The following PBLD variants were observed in gnomAD, a reference collection of about 807,000 sequenced individuals.
PBLD encodes phenazine biosynthesis like protein domain containing.
PBLD carries 26 observed loss-of-function variants against 31.3 expected under a neutral mutation model. The ratio of observed to expected loss-of-function variants is 0.83; its 90% CI spans 0.61 to 1.15. The LOEUF is 1.15. PBLD is among the 50% of genes most tolerant of loss of function. The pLI, the probability that PBLD is intolerant of heterozygous loss-of-function variation, is 0.00. For missense variants in PBLD, 307 were observed against 351.7 expected, an observed-to-expected ratio of 0.87 and a Z score of 1.02; for synonymous variants, 114 against 129.0, an observed-to-expected ratio of 0.88 and a Z score of 0.79.
chr10:68,285,985 C>T (rs72795476), intron 8 of PBLD, among the ~76,000 whole-genome samples: 293 of 151,904 alleles, frequency 1.9e-3, no homozygotes, highest in Non-Finnish European at 3.6e-3. Flanking sequence ...CTGGTCCTTA[C>T]AGTCTCCTAA....
chr10:68,298,734 G>T (rs538654053), intron 2 of PBLD, among the ~76,000 whole-genome samples: 1 of 144,138 alleles, frequency 6.9e-6, no homozygotes, highest in East Asian at 2.0e-4. Flanking sequence ...GGTTTATTGT[G>T]AAGATATATA....
intron 2 of PBLD, among the ~76,000 whole-genome samples, chr10:68,305,207 G>A (rs1252199457): frequency 6.8e-6 from 1 of 147,716 alleles, no homozygotes; most frequent in Non-Finnish European, 1.5e-5. Flanking sequence ...TTTATATAAA[G>A]TTTTAAAAAA....
At chr10:68,290,477 G>A (rs2044345139) in intron 6 of PBLD, among the ~76,000 whole-genome samples, 1 of 152,108 alleles carries the variant, frequency 6.6e-6, no homozygotes, top group Admixed American at 6.6e-5. Context: ...CAGCTCTTTG[G>A]GAGGCCGAGG....
intron 8 of PBLD, among the ~76,000 whole-genome samples, chr10:68,286,683 C>T (rs1345583989): frequency 2.0e-5 from 3 of 152,016 alleles, no homozygotes; most frequent in Admixed American, 1.3e-4. Flanking sequence ...GAGCTTTTGG[C>T]ACCAAAAGAA....
rs1249616472 is a variant in PBLD at position 68,332,896 on chromosome 10, A to G, written c.-172T>C. 6.6e-6 allele frequency: 1 copy of G among 152,226 alleles called. No individual in the cohort carries two copies. The highest frequency in any genetic ancestry group is 1.5e-5 in the Non-Finnish European group (1 of 68,088). 9.4% of individuals were successfully genotyped at this position (152,226 alleles called of 1,614,324 possible). A position where few individuals can be genotyped will look rare whatever the true frequency, so the allele number is the denominator to read the frequency against. The stretch of plus-strand genomic sequence containing the variant: ...AAGGTGCTCAACTCCCAAATCCAGG[A>G]CAAAGGAGGCAGACGGCCTCCTTTG... On this transcript the variant is annotated 5_prime_UTR_variant, in exon 1 of 10. Transcript: ENST00000358769.
At chr10:68,309,406 CAAAAAAAAAAA>C (rs58152894) in intron 1 of PBLD, among the ~76,000 whole-genome samples, 4 of 114,710 alleles carry the variant, frequency 3.5e-5, no homozygotes, top group South Asian at 6.3e-4. Flanking sequence ...GATTATGTTT[CAAAAAAAAAAA>C]AAAAAAAAAG....
At chr10:68,304,763 A>C (rs755520621) in intron 2 of PBLD, among the ~76,000 whole-genome samples, 11 of 152,328 alleles carry the variant, frequency 7.2e-5, no homozygotes, top group Non-Finnish European at 1.3e-4. Flanking sequence ...GACATGGGGC[A>C]AATGTATTAA....
chr10:68,311,534 G>A (rs554469352), intron 1 of PBLD, among the ~76,000 whole-genome samples: 15 of 151,816 alleles, frequency 9.9e-5, no homozygotes, highest in Admixed American at 3.9e-4. Context: ...TGCAGTGAGC[G>A]GAGATCGCGC....
chr10:68,296,393 G>A, intron 3 of PBLD, 29 bp from the exon 4 acceptor site: 1 of 1,511,402 alleles, frequency 6.6e-7, no homozygotes, highest in Non-Finnish European at 9.2e-7. Context: ...AAAGAGAGAT[G>A]AGATCATTCC....
rs1436168124 is a variant in PBLD at position 68,284,180 on chromosome 10, G to C, written c.864C>G (p.Ala288=). The C allele has an allele frequency of 2.5e-6, 4 of 1,612,466 alleles. No individual in the cohort carries two copies. The highest frequency in any genetic ancestry group is 3.4e-6 in the Non-Finnish European group (4 of 1,178,610). Residue 288 remains alanine, a synonymous_variant, in exon 10 of 10, where the codon GCC becomes GCG. Transcript: ENST00000358769. ...AAVVLEGTLT[A] ...CAGCGTCACAGCATAACCACCTCTA[G>C]GCTGTCAGTGTGCCCTCTAAAACAA...
At chr10:68,332,467 C>G (rs529261758) in intron 1 of PBLD, among the ~76,000 whole-genome samples, 13 of 152,354 alleles carry the variant, frequency 8.5e-5, no homozygotes, top group African/African-American at 2.6e-4. Context: ...GGACATCCAG[C>G]ATTTTCCCCT....
chr10:68,301,642 C>T (rs763622779), intron 2 of PBLD, among the ~76,000 whole-genome samples: 8 of 152,150 alleles, frequency 5.3e-5, no homozygotes, highest in South Asian at 2.1e-4. Flanking sequence ...TATGATCTGG[C>T]GAAACTTCCT....
chr10:68,302,919 TG>T (rs1234769531), intron 2 of PBLD, among the ~76,000 whole-genome samples: 8 of 151,586 alleles, frequency 5.3e-5, no homozygotes, highest in African/African-American at 1.9e-4. Flanking sequence ...TAGCTAGTCA[TG>T]GGTCCCTCTA....
intron 1 of PBLD, among the ~76,000 whole-genome samples, chr10:68,312,092 A>G (rs2044676926): frequency 6.6e-6 from 1 of 152,238 alleles, no homozygotes; most frequent in African/African-American, 2.4e-5. Flanking sequence ...TTCTTTATCC[A>G]TTCATTGAGG....
At chr10:68,319,096 A>G (rs866139557) in intron 1 of PBLD, among the ~76,000 whole-genome samples, 1 of 134,292 alleles carries the variant, frequency 7.4e-6, no homozygotes, top group Non-Finnish European at 1.5e-5. Flanking sequence ...AGAAAGAAAG[A>G]AAGAAAGAAA....
At chr10:68,325,975 T>C (rs960330566) in intron 1 of PBLD, among the ~76,000 whole-genome samples, 1 of 152,224 alleles carries the variant, frequency 6.6e-6, no homozygotes, top group African/African-American at 2.4e-5. Context: ...TGTATCTGTA[T>C]GCTCTTGAAA....
rs149386583 is a variant in PBLD, at chr10:68,319,744, A to G, written c.-59-12841T>C. On this transcript the variant is annotated intron_variant, in intron 1 of 9. Transcript: ENST00000358769. ...TCAAAAACAAAGAAAAAGATAAAAC[A>G]AAACAAAAAACTGACTAAATGCTTT... Among the ~76,000 whole-genome samples, 235 of 152,190 alleles carry G rather than the reference A, an allele frequency of 1.5e-3. 1 individual carries two copies. The highest frequency in any genetic ancestry group is 5.4e-3 in the African/African-American group (224 of 41,550).
intron 1 of PBLD, among the ~76,000 whole-genome samples, chr10:68,327,653 G>A (rs528089207): frequency 7.1e-5 from 8 of 112,906 alleles, no homozygotes; most frequent in South Asian, 2.7e-4. Context: ...CAGCCTGGGC[G>A]ACAAAGCAAG....
At chr10:68,292,368 G>T in intron 4 of PBLD, 130 bp from the exon 5 acceptor site, 1 of 727,152 alleles carries the variant, frequency 1.4e-6, no homozygotes, top group Non-Finnish European at 2.3e-6. Context: ...GCGAGGTTTG[G>T]GTTGCTGAGG....
Sources: gnomAD v4.1 joint callset for allele counts (sites outside exome capture counted in the v4.1 genomes callset) on GRCh38, gnomAD v4.1.1 for gene constraint, MANE v1.5 for transcripts, NCBI Gene and HGNC (gene_info 2026-07-23, HGNC 2026-07-21) for gene names.